The following RNF180 variants were observed in gnomAD, a reference collection of about 807,000 sequenced individuals.
RNF180 encodes ring finger protein 180, also known as E3 ubiquitin-protein ligase RNF180.
Under a neutral mutation model 59.2 loss-of-function variants are expected in RNF180, and 38 were observed. The ratio of observed to expected loss-of-function variants is 0.64; its 90% confidence interval spans 0.50 to 0.84. RNF180 has a LOEUF of 0.84. Ranked by LOEUF, RNF180 falls within the 40% of genes least tolerant of loss-of-function variation. RNF180 has a pLI of 0.00. For missense variants in RNF180, 705 were observed against 700.9 expected, an observed-to-expected ratio of 1.01 and a Z score of -0.07; for synonymous variants, 262 against 240.3, an observed-to-expected ratio of 1.09 and a Z score of -0.84.
intron 7 of RNF180, among the ~76,000 whole-genome samples, chr5:64,346,980 C>G (rs1205778729): frequency 6.6e-6 from 1 of 152,090 alleles, no homozygotes; most frequent in Admixed American, 6.6e-5. Context: ...ATGAATTAAT[C>G]AGAAGAAATG....
chr5:64,278,835 G>C (rs1018046077), intron 5 of RNF180, among the ~76,000 whole-genome samples: 3 of 152,038 alleles, frequency 2.0e-5, no homozygotes, highest in Non-Finnish European at 4.4e-5. Flanking sequence ...GCCTAGGCTG[G>C]TCTCAAACTC....
intron 5 of RNF180, among the ~76,000 whole-genome samples, chr5:64,291,997 C>T (rs371137794): frequency 6.6e-6 from 1 of 152,150 alleles, no homozygotes; most frequent in South Asian, 2.1e-4. Context: ...TTATGCTTCT[C>T]TCTAAGCTGG....
intron 6 of RNF180, among the ~76,000 whole-genome samples, chr5:64,326,615 C>G (rs972476265): frequency 6.6e-6 from 1 of 152,118 alleles, no homozygotes; most frequent in African/African-American, 2.4e-5. Flanking sequence ...TACTTTGTTT[C>G]ATCCATATTT....
At chr5:64,262,065 C>A (rs945003839) in intron 5 of RNF180, among the ~76,000 whole-genome samples, 1 of 152,164 alleles carries the variant, frequency 6.6e-6, no homozygotes, top group South Asian at 2.1e-4. Context: ...GTTATACTTA[C>A]CAAATAATTT....
chr5:64,251,513 C>T (rs866302944), intron 5 of RNF180, among the ~76,000 whole-genome samples: 16 of 152,280 alleles, frequency 1.1e-4, no homozygotes, highest in Middle Eastern at 3.4e-3. Flanking sequence ...GCCTGAAACT[C>T]CTGGGCTCGA....
intron 5 of RNF180, among the ~76,000 whole-genome samples, chr5:64,314,096 T>C (rs957601983): frequency 6.6e-6 from 1 of 152,142 alleles, no homozygotes; most frequent in Non-Finnish European, 1.5e-5. Flanking sequence ...ATTCTATAGG[T>C]TGTCTGTTTA....
At chr5:64,282,945 C>A (rs552683061) in intron 5 of RNF180, among the ~76,000 whole-genome samples, 132 of 152,180 alleles carry the variant, frequency 8.7e-4, no homozygotes, top group African/African-American at 3.1e-3. Context: ...AGAGTATGTG[C>A]CATATGCAGA....
upstream of RNF180, among the ~76,000 whole-genome samples, chr5:64,165,559 G>A (rs140307143): frequency 0.011 from 1,631 of 152,366 alleles, 18 homozygotes; most frequent in Middle Eastern, 0.02. Context: ...GAGGACAAGG[G>A]AGACCACAGG....
intron 5 of RNF180, among the ~76,000 whole-genome samples, chr5:64,317,574 A>G (rs1744109416): frequency 6.8e-6 from 1 of 146,352 alleles, no homozygotes. Flanking sequence ...ATACATATAT[A>G]TACACATATA....
At chr5:64,298,554 C>A (rs932977784) in intron 5 of RNF180, among the ~76,000 whole-genome samples, 3 of 151,968 alleles carry the variant, frequency 2.0e-5, no homozygotes, top group Non-Finnish European at 2.9e-5. Flanking sequence ...GAATATAATG[C>A]CTTATTCTGC....
At chr5:64,258,338 G>T (rs1445568086) in intron 5 of RNF180, among the ~76,000 whole-genome samples, 2 of 152,210 alleles carry the variant, frequency 1.3e-5, no homozygotes, top group Non-Finnish European at 2.9e-5. Context: ...TCTGGCAGAA[G>T]TATGGAGGAT....
intron 5 of RNF180, among the ~76,000 whole-genome samples, chr5:64,218,526 C>A (rs1752751448): frequency 6.6e-6 from 1 of 151,980 alleles, no homozygotes; most frequent in South Asian, 2.1e-4. Flanking sequence ...CTTTGTTATT[C>A]TTTTTCAAAA....
intron 5 of RNF180, among the ~76,000 whole-genome samples, chr5:64,260,400 G>A (rs752420778): frequency 1.4e-4 from 22 of 152,064 alleles, no homozygotes; most frequent in Non-Finnish European, 2.8e-4. Context: ...TAAAAGAATA[G>A]TCTTTCTTTT....
chr5:64,179,518 A>G (rs1055037356), intron 1 of RNF180, among the ~76,000 whole-genome samples: 3 of 152,084 alleles, frequency 2.0e-5, no homozygotes, highest in South Asian at 2.1e-4. Context: ...GTGCTGTGTT[A>G]TTCTTTAATG....
intron 5 of RNF180, among the ~76,000 whole-genome samples, chr5:64,220,369 A>G (rs957830312): frequency 5.6e-4 from 85 of 151,920 alleles, no homozygotes; most frequent in Non-Finnish European, 8.8e-5. Context: ...TAATCATTTA[A>G]TGCTATAAAT....
intron 7 of RNF180, among the ~76,000 whole-genome samples, chr5:64,332,323 C>T (rs577542468): frequency 6.6e-6 from 1 of 152,170 alleles, no homozygotes; most frequent in Non-Finnish European, 1.5e-5. Flanking sequence ...TTAGCAGAAG[C>T]TCTATTTATT....
chr5:64,202,964 A>G lies in RNF180; in HGVS notation c.135+2022A>G, dbSNP rs112154387. On this transcript the variant is annotated intron_variant, in intron 2 of 7. Transcript: ENST00000389100. Reference sequence around the variant, plus strand: ...CAGAGCCAGTGCTCATAACCTCCACACTCTCTGCTGCCTTTGCTCTTCCTT... The same window carrying G: ...CAGAGCCAGTGCTCATAACCTCCACGCTCTCTGCTGCCTTTGCTCTTCCTT... Among the ~76,000 whole-genome samples the G allele has an allele frequency of 2.6e-5, 4 of 151,924 alleles. 1 individual carries two copies. Among genetic ancestry groups the G allele is most frequent in the African/African-American group, 9.7e-5 (4 of 41,422 alleles).
chr5:64,214,817 AATGT>A (rs1393949042), intron 4 of RNF180, among the ~76,000 whole-genome samples: 2 of 152,166 alleles, frequency 1.3e-5, no homozygotes, highest in African/African-American at 4.8e-5. Context: ...CTATATTTTA[AATGT>A]ATGACATATT....
chr5:64,369,824 A>T lies in RNF180; in HGVS notation c.*10A>T. On this transcript the variant is annotated 3_prime_UTR_variant, in exon 8 of 8. Coordinates refer to ENST00000389100, the MANE Select transcript of RNF180 (RefSeq NM_001113561.2). ...TTTCTTTCCGTTTTAGGAATTTCAT[A>T]CCTTACTACAATTGACCAATCATAA... is the stretch of plus-strand genomic sequence containing the variant. The T allele has an allele frequency of 7.1e-7, 1 of 1,398,684 alleles. No homozygotes were observed. Among genetic ancestry groups the T allele is most frequent in the Non-Finnish European group, 9.5e-7 (1 of 1,049,716 alleles). The allele number at this position is 1,398,684 out of a possible 1,614,324, so 86.6% of individuals were successfully genotyped here.
Sources: allele counts gnomAD v4.1 joint callset (sites outside exome capture counted in the v4.1 genomes callset), GRCh38; gene constraint gnomAD v4.1.1; transcripts MANE v1.5; gene names NCBI Gene and HGNC (gene_info 2026-07-23, HGNC 2026-07-21).